Variants in DGKH observed in about 807,000 individuals in gnomAD.
DGKH encodes the protein diacylglycerol kinase eta.
A neutral mutation model predicts 159.3 loss-of-function variants in DGKH; 90 were observed. That is an observed-to-expected ratio of 0.57 (90% confidence interval 0.48 to 0.67). The LOEUF is 0.67. Ranked by LOEUF, DGKH falls within the 30% of genes least tolerant of loss-of-function variation. DGKH has a pLI of 0.00. For synonymous variants in DGKH, 536 were observed against 553.8 expected, an observed-to-expected ratio of 0.97 and a Z score of 0.45; for missense variants, 1,181 against 1,506.1, an observed-to-expected ratio of 0.78 and a Z score of 3.57.
intron 8 of DGKH, among the ~76,000 whole-genome samples, chr13:42,165,899 C>T (rs556125164): frequency 3.9e-5 from 6 of 152,154 alleles, no homozygotes; most frequent in South Asian, 2.1e-4. Flanking sequence ...TCTACAACAC[C>T]GGTTTTGGGA....
At chr13:42,196,856 G>A (rs1010386439) in intron 17 of DGKH, among the ~76,000 whole-genome samples, 1 of 152,180 alleles carries the variant, frequency 6.6e-6, no homozygotes, top group Non-Finnish European at 1.5e-5. Flanking sequence ...TTCTGGAAAG[G>A]CCTTCAGGTT....
chr13:42,248,973 A>C (rs1349537495), intron 29 of DGKH, among the ~76,000 whole-genome samples: 1 of 152,234 alleles, frequency 6.6e-6, no homozygotes, highest in East Asian at 1.9e-4. Flanking sequence ...ACACACATAT[A>C]TACATGATAT....
intron 7 of DGKH, among the ~76,000 whole-genome samples, chr13:42,161,544 G>A (rs1956178963): frequency 6.9e-6 from 1 of 145,380 alleles, no homozygotes; most frequent in African/African-American, 2.4e-5. Flanking sequence ...CACTTTGGGA[G>A]GCCAAGGTGG....
chr13:42,155,492 T>C, intron 4 of DGKH, 97 bp downstream of exon 4: 1 of 1,465,918 alleles, frequency 6.8e-7, no homozygotes, highest in Non-Finnish European at 9.4e-7. Context: ...ATGTGTACAC[T>C]CATTCAGCAA....
At chr13:42,143,259 T>A (rs1245649233) in intron 3 of DGKH, among the ~76,000 whole-genome samples, 2 of 152,174 alleles carry the variant, frequency 1.3e-5, no homozygotes. Flanking sequence ...CACTTGATCA[T>A]GGTGGATAAG....
intron 4 of DGKH, 61 bp downstream of exon 4, chr13:42,155,456 T>C: frequency 6.5e-7 from 1 of 1,538,408 alleles, no homozygotes; most frequent in South Asian, 1.1e-5. Context: ...ACCAAAGGGC[T>C]AGAGCTCTAC....
In DGKH at chr13:42,207,058, CTTCCTTCTTTCTTTCT is replaced by C. The variant is rs1374963062; in HGVS notation, c.2601+916_2601+931del. Among the ~76,000 whole-genome samples, 47 of 27,894 alleles carry C rather than the reference CTTCCTTCTTTCTTTCT, an allele frequency of 1.7e-3. 1 individual carries two copies. The highest frequency in any genetic ancestry group is 3.5e-3 in the African/African-American group (30 of 8,466). The allele number at this position is 27,894 out of a possible 152,430, so 18.3% of individuals were successfully genotyped here. On this transcript the variant is annotated intron_variant, in intron 21 of 29. Coordinates refer to ENST00000337343, the MANE Select transcript of DGKH (RefSeq NM_178009.5). ...CTTTCTTTCCTTCTTTCCTTCTTTC[CTTCCTTCTTTCTTTCT>C]TTCTTTCTTTCTTTCTTTCTTTCTT...
At chr13:42,106,316 G>A (rs1398357468) in intron 1 of DGKH, among the ~76,000 whole-genome samples, 1 of 152,084 alleles carries the variant, frequency 6.6e-6, no homozygotes, top group African/African-American at 2.4e-5. Flanking sequence ...CCTCAGGAAT[G>A]TGTGTTTCTT....
At chr13:42,196,074 G>C (rs1367338393) in intron 17 of DGKH, 2 of 152,108 alleles carry the variant, frequency 1.3e-5, no homozygotes, top group Non-Finnish European at 2.9e-5. Context: ...AGTCACCAGG[G>C]GAATGCAAAT....
At chr13:42,118,796 T>G (rs1024183241) in intron 1 of DGKH, among the ~76,000 whole-genome samples, 5 of 152,182 alleles carry the variant, frequency 3.3e-5, no homozygotes, top group African/African-American at 9.7e-5. Flanking sequence ...TTGGACTTTA[T>G]GTAGCAGGCA....
chr13:42,191,556 G>A (rs1331412986), intron 16 of DGKH, among the ~76,000 whole-genome samples: 1 of 152,036 alleles, frequency 6.6e-6, no homozygotes, highest in Admixed American at 6.6e-5. Flanking sequence ...CCAAATTTTT[G>A]GAGAGCTGAC....
intron 1 of DGKH, among the ~76,000 whole-genome samples, chr13:42,065,938 T>C (rs1212225850): frequency 6.6e-6 from 1 of 152,174 alleles, no homozygotes; most frequent in Non-Finnish European, 1.5e-5. Context: ...CCTTCTGTGA[T>C]CCAGGCTGGA....
At chr13:42,197,252 C>CAAAAAA (rs71703387) in intron 17 of DGKH, among the ~76,000 whole-genome samples, 7 of 86,216 alleles carry the variant, frequency 8.1e-5, no homozygotes, top group African/African-American at 2.1e-4. Context: ...TCTATCTCAA[C>CAAAAAA]AAAAAAAAAA....
intron 3 of DGKH, chr13:42,140,608 T>G (rs191001910): frequency 6.6e-6 from 1 of 152,352 alleles, no homozygotes; most frequent in African/African-American, 2.4e-5. Context: ...TTCTAAGCTA[T>G]GCAGAGTGCT....
intron 13 of DGKH, among the ~76,000 whole-genome samples, chr13:42,184,584 T>G (rs1406411080): frequency 2.0e-5 from 3 of 152,132 alleles, no homozygotes; most frequent in Non-Finnish European, 2.9e-5. Flanking sequence ...TGTCTAGGCC[T>G]TATGCAGTGG....
intron 1 of DGKH, among the ~76,000 whole-genome samples, chr13:42,088,536 G>T (rs562091890): frequency 6.6e-6 from 1 of 152,044 alleles, no homozygotes; most frequent in South Asian, 2.1e-4. Context: ...TGTAACCGAA[G>T]AGAAAATATT....
intron 11 of DGKH, among the ~76,000 whole-genome samples, chr13:42,172,592 T>G (rs1956490114): frequency 1.3e-5 from 2 of 152,232 alleles, no homozygotes; most frequent in Non-Finnish European, 2.9e-5. Context: ...ATCAGTAGCT[T>G]CAGCTGTGTT....
chr13:42,143,543 T>C (rs1052352930), intron 3 of DGKH, among the ~76,000 whole-genome samples: 12 of 152,288 alleles, frequency 7.9e-5, no homozygotes, highest in Admixed American at 7.8e-4. Flanking sequence ...CTTTTTTTGG[T>C]TGGTAAGCTA....
chr13:42,086,732 A>T (rs1423524076), intron 1 of DGKH, among the ~76,000 whole-genome samples: 1 of 152,146 alleles, frequency 6.6e-6, no homozygotes, highest in Admixed American at 6.5e-5. Flanking sequence ...TCACTTAGAG[A>T]AAGAGGGAAA....
Sources: allele counts gnomAD v4.1 joint callset (sites outside exome capture counted in the v4.1 genomes callset), GRCh38; gene constraint gnomAD v4.1.1; transcripts MANE v1.5; gene names NCBI Gene and HGNC (gene_info 2026-07-23, HGNC 2026-07-21).